Variants in CDH13 observed in about 807,000 individuals in gnomAD.
CDH13 encodes cadherin-13.
A neutral mutation model predicts 63.8 loss-of-function variants in CDH13; 24 were observed. The observed-to-expected ratio is 0.38, with a 90% CI of 0.27 to 0.53. The LOEUF is 0.53. Among genes scored for constraint, CDH13 ranks in the 20% least tolerant of loss-of-function variants. The pLI, the probability that CDH13 is intolerant of heterozygous loss-of-function variation, is 0.85. For synonymous variants in CDH13, 503 were observed against 355.3 expected, an observed-to-expected ratio of 1.42 and a Z score of -4.67; for missense variants, 1,049 against 903.1, an observed-to-expected ratio of 1.16 and a Z score of -2.07.
chr16:82,987,867 T>C (rs1911147626), intron 2 of CDH13, among the ~76,000 whole-genome samples: 1 of 152,232 alleles, frequency 6.6e-6, no homozygotes, highest in African/African-American at 2.4e-5. Context: ...TGATTCTGCC[T>C]CTTGGGATTT....
At chr16:82,648,495 G>A (rs980467929) in intron 1 of CDH13, among the ~76,000 whole-genome samples, 1 of 152,128 alleles carries the variant, frequency 6.6e-6, no homozygotes, top group Non-Finnish European at 1.5e-5. Context: ...TTATAAAGAT[G>A]ATGATAATGG....
chr16:82,648,996 G>T (rs3910225), intron 1 of CDH13, among the ~76,000 whole-genome samples: 1 of 151,944 alleles, frequency 6.6e-6, no homozygotes, highest in East Asian at 1.9e-4. Flanking sequence ...GAGATGATGG[G>T]GAAGAAAGAG....
At chr16:83,023,228 A>G (rs1225609701) in intron 2 of CDH13, 1 of 152,190 alleles carries the variant, frequency 6.6e-6, no homozygotes, top group African/African-American at 2.4e-5. Flanking sequence ...AAAAGCGCTG[A>G]AAGCATAATT....
chr16:83,108,110 C>G (rs141601253), intron 3 of CDH13, among the ~76,000 whole-genome samples: 2 of 152,048 alleles, frequency 1.3e-5, no homozygotes, highest in Non-Finnish European at 1.5e-5. Context: ...CATGAGCCAC[C>G]GCGCCCAGCC....
intron 2 of CDH13, among the ~76,000 whole-genome samples, chr16:82,971,345 G>C (rs992728350): frequency 6.6e-6 from 1 of 152,040 alleles, no homozygotes; most frequent in African/African-American, 2.4e-5. Flanking sequence ...TTCTCATGTA[G>C]TGCTCCCATC....
chr16:83,542,528 A>G (rs2075313272), intron 7 of CDH13, among the ~76,000 whole-genome samples: 1 of 152,250 alleles, frequency 6.6e-6, no homozygotes, highest in South Asian at 2.1e-4. Flanking sequence ...ACAAAGCATC[A>G]TAAACTAAGT....
At chr16:83,658,734 C>G (rs1340853626) in intron 8 of CDH13, among the ~76,000 whole-genome samples, 1 of 147,708 alleles carries the variant, frequency 6.8e-6, no homozygotes, top group Admixed American at 6.7e-5. Flanking sequence ...GTCCTCACCA[C>G]CAGGTCCCAT....
At chr16:83,442,954 T>C (rs543630485) in intron 6 of CDH13, among the ~76,000 whole-genome samples, 1 of 152,352 alleles carries the variant, frequency 6.6e-6, no homozygotes, top group African/African-American at 2.4e-5. Flanking sequence ...TTTAAGATCA[T>C]ATGGCTTTTC....
At chr16:82,794,231 G>A (rs1346994871) in intron 1 of CDH13, among the ~76,000 whole-genome samples, 1 of 145,376 alleles carries the variant, frequency 6.9e-6, no homozygotes, top group Non-Finnish European at 1.5e-5. Flanking sequence ...TTTATGTGTT[G>A]CCAAAGATCA....
chr16:83,052,170 C>T (rs2030412884), intron 3 of CDH13, among the ~76,000 whole-genome samples: 1 of 151,990 alleles, frequency 6.6e-6, no homozygotes, highest in Non-Finnish European at 1.5e-5. Flanking sequence ...AAACCTTTAC[C>T]AAAATGAGCA....
chr16:83,516,557 T>C (rs1408849907), intron 7 of CDH13, among the ~76,000 whole-genome samples: 1 of 152,198 alleles, frequency 6.6e-6, no homozygotes, highest in Admixed American at 6.5e-5. Context: ...AGGAGAGGTG[T>C]CTTCTCTTCC....
Position 83,515,591 on chromosome 16 carries a change from G to A in CDH13, c.960+28936G>A, listed in dbSNP as rs555862199. On this transcript the variant is annotated intron_variant, in intron 7 of 13. Transcript: ENST00000567109. ...GATTGACTAGAAAATTGCCCCAGCT[G>A]TCAAAGTTTCCAGTGTTAAAAAGCA... Among the ~76,000 whole-genome samples, 13 of 152,304 alleles carry A rather than the reference G, an allele frequency of 8.5e-5. No homozygotes were observed. The South Asian group carries it at 2.7e-3, about 32-fold the overall frequency.
At chr16:83,415,795 CA>C (rs2151463235) in intron 6 of CDH13, among the ~76,000 whole-genome samples, 1 of 152,260 alleles carries the variant, frequency 6.6e-6, no homozygotes, top group South Asian at 2.1e-4. Context: ...TAGCTAACGT[CA>C]TACTCAACAG....
At chr16:83,221,149 T>C (rs941955422) in intron 5 of CDH13, among the ~76,000 whole-genome samples, 4 of 152,236 alleles carry the variant, frequency 2.6e-5, no homozygotes, top group Non-Finnish European at 5.9e-5. Context: ...CTTCCTATTT[T>C]ATCCCCAGCT....
chr16:82,849,321 G>T (rs1158090218), intron 1 of CDH13, among the ~76,000 whole-genome samples: 1 of 152,106 alleles, frequency 6.6e-6, no homozygotes, highest in East Asian at 1.9e-4. Context: ...GGTCAACATG[G>T]TGAAGCCCTG....
chr16:82,787,061 G>C (rs1356328457), intron 1 of CDH13, among the ~76,000 whole-genome samples: 1 of 152,116 alleles, frequency 6.6e-6, no homozygotes, highest in Admixed American at 6.6e-5. Context: ...GCTTCCTAAA[G>C]TAACATATAA....
chr16:82,632,602 C>T (rs1322085360), intron 1 of CDH13, among the ~76,000 whole-genome samples: 1 of 152,106 alleles, frequency 6.6e-6, no homozygotes, highest in African/African-American at 2.4e-5. Flanking sequence ...ACTCTGAAAC[C>T]CTGGGATCAT....
intron 7 of CDH13, among the ~76,000 whole-genome samples, chr16:83,493,001 G>A (rs949953372): frequency 7.2e-5 from 11 of 151,750 alleles, no homozygotes; most frequent in African/African-American, 2.2e-4. Flanking sequence ...GACTACCTGT[G>A]TTTTTTGTTG....
At chr16:82,993,261 T>C (rs1483097422) in intron 2 of CDH13, among the ~76,000 whole-genome samples, 3 of 152,230 alleles carry the variant, frequency 2.0e-5, no homozygotes, top group Admixed American at 1.3e-4. Flanking sequence ...TCCAGATGTC[T>C]TGGGCTCTCC....
Sources: allele counts gnomAD v4.1 joint callset (sites outside exome capture counted in the v4.1 genomes callset), GRCh38; gene constraint gnomAD v4.1.1; transcripts MANE v1.5; gene names NCBI Gene and HGNC (gene_info 2026-07-23, HGNC 2026-07-21).